ADD3: variants seen among roughly 807,000 people sequenced by gnomAD.
ADD3 encodes the protein gamma-adducin.
In ADD3, 25 loss-of-function variants were observed where a neutral mutation model predicts 80.2. That is an observed-to-expected ratio of 0.31 (90% CI 0.23 to 0.44). ADD3 has a LOEUF of 0.44. Ranked by LOEUF, ADD3 falls within the 20% of genes least tolerant of loss-of-function variation. The probability of loss-of-function intolerance (pLI) is 1.00; values close to 1 mark genes in which losing one functional copy is unlikely to be tolerated. For synonymous variants in ADD3, 284 were observed against 289.6 expected (o/e 0.98, Z 0.20); for missense variants, 829 against 847.5 (o/e 0.98, Z 0.27).
At chr10:110,049,190 A>G (rs1345078971) in intron 1 of ADD3, among the ~76,000 whole-genome samples, 1 of 152,204 alleles carries the variant, frequency 6.6e-6, no homozygotes. Context: ...GAGGTTTGGG[A>G]ACCTCCACTT....
rs575305657 is a variant in ADD3 at position 110,124,348 on chromosome 10, T to C, written c.1401+74T>C. 2,039 of 1,482,734 alleles carry C rather than the reference T, an allele frequency of 1.4e-3. 20 individuals carry two copies. The South Asian group carries it at 0.015, about 11-fold the overall frequency. 91.8% of individuals were successfully genotyped at this position (1,482,734 alleles called of 1,614,324 possible). A position where few individuals can be genotyped will look rare whatever the true frequency, so the allele number is the denominator to read the frequency against. ...TTACTCAAGAATTGAATGTTCTATA[T>C]TGAAAATATTTGGAAAGTAAAATAA... On this transcript the variant is annotated intron_variant, in intron 10 of 14. Coordinates refer to ENST00000356080, the MANE Select transcript of ADD3 (RefSeq NM_016824.5).
At chr10:110,032,398 C>T (rs1855151510) in intron 1 of ADD3, among the ~76,000 whole-genome samples, 2 of 152,020 alleles carry the variant, frequency 1.3e-5, no homozygotes, top group African/African-American at 4.8e-5. Context: ...TTCATTCAGG[C>T]TCAAGCAAGT....
At chr10:110,086,280 C>T (rs543123886) in intron 1 of ADD3, among the ~76,000 whole-genome samples, 4 of 152,008 alleles carry the variant, frequency 2.6e-5, no homozygotes, top group Admixed American at 1.3e-4. Context: ...CATGGTGGCA[C>T]GTGCCTGTAG....
chr10:110,102,195 A>G (rs1848895146), intron 2 of ADD3, among the ~76,000 whole-genome samples: 1 of 152,228 alleles, frequency 6.6e-6, no homozygotes, highest in South Asian at 2.1e-4. Context: ...GTAAATGTTC[A>G]GTGCCTTACT....
At chr10:110,117,595 G>GT (rs536286762) in intron 5 of ADD3, among the ~76,000 whole-genome samples, 173 bp downstream of exon 5, 106 of 151,870 alleles carry the variant, frequency 7.0e-4, no homozygotes, top group Non-Finnish European at 1.2e-3. Context: ...AGAGAATAGC[G>GT]TAATTGAAGA....
At chr10:110,048,130 G>A (rs568738583) in intron 1 of ADD3, among the ~76,000 whole-genome samples, 1 of 152,282 alleles carries the variant, frequency 6.6e-6, no homozygotes, top group South Asian at 2.1e-4. Context: ...GAGATGTGAT[G>A]ATTTTATAAG....
At chr10:110,103,998 T>C (rs1849133782) in intron 2 of ADD3, among the ~76,000 whole-genome samples, 1 of 152,182 alleles carries the variant, frequency 6.6e-6, no homozygotes, top group Admixed American at 6.5e-5. Flanking sequence ...AACATTAGCT[T>C]GAATCCAGAA....
intron 1 of ADD3, among the ~76,000 whole-genome samples, chr10:110,031,738 A>T (rs2133198434): frequency 6.6e-6 from 1 of 151,556 alleles, no homozygotes; most frequent in Non-Finnish European, 1.5e-5. Flanking sequence ...ATGAAGAGAC[A>T]TGAGCTATTT....
intron 1 of ADD3, among the ~76,000 whole-genome samples, chr10:110,035,269 G>T (rs868077689): frequency 6.6e-6 from 1 of 151,978 alleles, no homozygotes; most frequent in Admixed American, 6.6e-5. Context: ...TTATGTCAGC[G>T]CCCCCTTGCT....
chr10:110,040,978 C>G (rs1443295986), intron 1 of ADD3, among the ~76,000 whole-genome samples: 2 of 151,948 alleles, frequency 1.3e-5, no homozygotes, highest in Non-Finnish European at 2.9e-5. Flanking sequence ...CTCTCTCTCT[C>G]TCTCTCTCCG....
intron 3 of ADD3, among the ~76,000 whole-genome samples, chr10:110,115,109 G>A (rs1850557048): frequency 6.6e-6 from 1 of 150,676 alleles, no homozygotes; most frequent in African/African-American, 2.5e-5. Flanking sequence ...AAAGGGTGGG[G>A]CCAGTTGCAG....
At chr10:110,073,971 T>C (rs775469947) in intron 1 of ADD3, among the ~76,000 whole-genome samples, 1 of 152,024 alleles carries the variant, frequency 6.6e-6, no homozygotes, top group Non-Finnish European at 1.5e-5. Flanking sequence ...TTACTTTCCA[T>C]AGACATTTCA....
chr10:110,035,465 C>T (rs1564870622), intron 1 of ADD3, among the ~76,000 whole-genome samples: 1 of 152,150 alleles, frequency 6.6e-6, no homozygotes, highest in African/African-American at 2.4e-5. Context: ...CATCAGGAAG[C>T]GAAGCAACTT....
At chr10:110,085,655 T>G (rs1846634563) in intron 1 of ADD3, among the ~76,000 whole-genome samples, 1 of 152,188 alleles carries the variant, frequency 6.6e-6, no homozygotes, top group East Asian at 1.9e-4. Context: ...CAGGGAACAG[T>G]GGCAAATGAT....
At chr10:110,007,425 G>A (rs542186616), upstream of ADD3, among the ~76,000 whole-genome samples, 3 of 152,356 alleles carry the variant, frequency 2.0e-5, no homozygotes, top group African/African-American at 7.2e-5. Context: ...AGCCCCAGCA[G>A]CCAGCGTGGG....
chr10:110,067,151 A>G (rs1240048534), intron 1 of ADD3, among the ~76,000 whole-genome samples: 1 of 152,214 alleles, frequency 6.6e-6, no homozygotes, highest in Non-Finnish European at 1.5e-5. Context: ...TAGAAAAATC[A>G]GTAGATTTGA....
At chr10:110,028,070 G>C (rs968748080) in intron 1 of ADD3, among the ~76,000 whole-genome samples, 7 of 152,096 alleles carry the variant, frequency 4.6e-5, no homozygotes, top group Non-Finnish European at 7.4e-5. Flanking sequence ...ACATAGAATT[G>C]GGGTTAAATA....
intron 2 of ADD3, among the ~76,000 whole-genome samples, chr10:110,102,265 T>A (rs1171772538): frequency 7.0e-6 from 1 of 142,524 alleles, no homozygotes; most frequent in East Asian, 1.9e-4. Context: ...ATTATTTAGA[T>A]CAAAAATAGA....
At chr10:110,091,734 A>T (rs986644399) in intron 1 of ADD3, among the ~76,000 whole-genome samples, 3 of 152,212 alleles carry the variant, frequency 2.0e-5, no homozygotes, top group Non-Finnish European at 4.4e-5. Context: ...TTGCAAAAAA[A>T]CAAAAATAAA....
Sources: gnomAD v4.1 joint callset for allele counts (sites outside exome capture counted in the v4.1 genomes callset) on GRCh38, gnomAD v4.1.1 for gene constraint, MANE v1.5 for transcripts, NCBI Gene and HGNC (gene_info 2026-07-23, HGNC 2026-07-21) for gene names.